The following NCAN variants were observed in gnomAD, a reference collection of about 807,000 sequenced individuals.
NCAN encodes neurocan core protein.
A neutral mutation model predicts 121.8 loss-of-function variants in NCAN; 47 were observed. The ratio of observed to expected loss-of-function variants is 0.39; its 90% CI spans 0.31 to 0.49. The LOEUF is 0.49. NCAN is among the 20% of genes least tolerant of loss of function. The pLI, the probability that NCAN is intolerant of heterozygous loss-of-function variation, is 0.92. For missense variants in NCAN, 1,517 were observed against 1,773.4 expected (o/e 0.86, Z 2.60); for synonymous variants, 633 against 702.0 (o/e 0.90, Z 1.55).
In NCAN at chr19:19,227,303, C is replaced by A. The variant is rs2060841071; in HGVS notation, c.1683C>A (p.Ser561=). ...PGAGSAGGKS[S]PEPWLWPPTM... is the part of the protein sequence containing the mutation. Reference sequence around the variant, plus strand: ...CAGGTTCTGCTGGTGGCAAGAGCTCCCCAGAGCCCTGGCTGTGGCCCCCTA... The same window carrying A: ...CAGGTTCTGCTGGTGGCAAGAGCTCACCAGAGCCCTGGCTGTGGCCCCCTA... The change falls in exon 8 of 15, where the codon TCC becomes TCA. Residue 561 remains serine (S), a synonymous_variant. Transcript: ENST00000252575. This position sits in a 1 kb window ranked among gnomAD's most constrained non-coding sequence, Gnocchi z 4.2. 6.3e-7 allele frequency: 1 copy of A among 1,581,942 alleles called. No individual in the cohort carries two copies. The highest frequency in any genetic ancestry group is 8.6e-7 in the Non-Finnish European group (1 of 1,163,488).
intron 11 of NCAN, among the ~76,000 whole-genome samples, chr19:19,239,593 C>T (rs2060895018): frequency 9.3e-6 from 1 of 106,994 alleles, no homozygotes; most frequent in Non-Finnish European, 2.0e-5. Context: ...CCCTCTCCTC[C>T]TCCCATTCCT....
chr19:19,249,706 C>T, intron 14 of NCAN, 60 bp from the exon 15 acceptor site: 6 of 1,540,270 alleles, frequency 3.9e-6, no homozygotes, highest in Non-Finnish European at 5.2e-6. Flanking sequence ...CCCGCTGCAT[C>T]AGGCCACCTG....
intron 12 of NCAN, among the ~76,000 whole-genome samples, chr19:19,241,592 A>G (rs892157222): frequency 3.3e-5 from 5 of 151,830 alleles, no homozygotes; most frequent in African/African-American, 1.2e-4. Flanking sequence ...AGTCTCAGCT[A>G]TCGGGAAGCT....
chr19:19,239,800 T>C, intron 11 of NCAN, among the ~76,000 whole-genome samples: 1 of 111,650 alleles, frequency 9.0e-6, no homozygotes, highest in African/African-American at 3.6e-5. Context: ...TCCCTTCCAC[T>C]CCTCCTCTTT....
chr19:19,237,005 C>T (rs2060883302), intron 10 of NCAN, among the ~76,000 whole-genome samples: 1 of 152,064 alleles, frequency 6.6e-6, no homozygotes, highest in Non-Finnish European at 1.5e-5. Context: ...ACCTCCACCT[C>T]CCGGTTCAAG....
At chr19:19,216,104 C>T (rs1038244145) in intron 1 of NCAN, among the ~76,000 whole-genome samples, 9 of 152,142 alleles carry the variant, frequency 5.9e-5, no homozygotes, top group Non-Finnish European at 1.3e-4. Flanking sequence ...TACCAGCACC[C>T]AGGCTTCTGA....
At chr19:19,233,491 C>T (rs571465670) in intron 8 of NCAN, among the ~76,000 whole-genome samples, 4 of 152,288 alleles carry the variant, frequency 2.6e-5, no homozygotes, top group Admixed American at 2.0e-4. Flanking sequence ...AGAAGACATT[C>T]TACGAGGTCC....
chr19:19,213,191 G>T (rs1308033869), intron 1 of NCAN, among the ~76,000 whole-genome samples: 2 of 152,156 alleles, frequency 1.3e-5, no homozygotes, highest in Non-Finnish European at 2.9e-5. Flanking sequence ...CCCAGCCGTC[G>T]CAATAGCTGA....
rs1025591719 is a variant in NCAN at position 19,250,079 on chromosome 19, T to C, written c.*168T>C. On this transcript the variant is annotated 3_prime_UTR_variant, in exon 15 of 15. Transcript: ENST00000252575. ...ACAAAGCTCCTCTTTTCCCTTTTTT[T>C]ACATACACAAGATCCTCTTGGCAGG... The C allele has an allele frequency of 3.7e-6, 3 of 802,740 alleles. No homozygotes were observed. The highest frequency in any genetic ancestry group is 2.7e-5 in the East Asian group (1 of 37,456). 49.7% of individuals were successfully genotyped at this position (802,740 alleles called of 1,614,324 possible).
intron 11 of NCAN, among the ~76,000 whole-genome samples, chr19:19,240,061 TC>T (rs1216230676): frequency 4.2e-5 from 2 of 47,950 alleles, no homozygotes; most frequent in African/African-American, 8.9e-5. Flanking sequence ...CTCCTCCCAT[TC>T]CCCCCTCCTC....
At chr19:19,249,045 T>G (rs1279287969) in intron 14 of NCAN, 163 bp downstream of exon 14, 1 of 548,218 alleles carries the variant, frequency 1.8e-6, no homozygotes, top group Non-Finnish European at 3.2e-6. Context: ...TTTCCTTCAT[T>G]TGTGTGTGTG....
chr19:19,216,589 C>T (rs1186729173), intron 1 of NCAN, among the ~76,000 whole-genome samples: 2 of 152,036 alleles, frequency 1.3e-5, no homozygotes, highest in Admixed American at 6.6e-5. Context: ...GGATTACAGG[C>T]GTGAGCCACC....
At chr19:19,218,298 G>T (rs2060803272) in intron 2 of NCAN, among the ~76,000 whole-genome samples, 1 of 151,010 alleles carries the variant, frequency 6.6e-6, no homozygotes, top group Non-Finnish European at 1.5e-5. Context: ...ATAAATAAAA[G>T]AATAATAATA....
At chr19:19,234,295 A>G (rs1206448078) in intron 9 of NCAN, among the ~76,000 whole-genome samples, 1 of 152,220 alleles carries the variant, frequency 6.6e-6, no homozygotes, top group Non-Finnish European at 1.5e-5. Context: ...AATACTACCA[A>G]TTATGAAATT....
chr19:19,240,737 A>G, intron 12 of NCAN, 52 bp downstream of exon 12: 4 of 1,567,512 alleles, frequency 2.6e-6, no homozygotes, highest in Admixed American at 1.7e-5. Flanking sequence ...CAGCCCTGCC[A>G]TCTGGCCTCA....
chr19:19,235,269 T>G (rs764825872), intron 10 of NCAN, among the ~76,000 whole-genome samples, 173 bp downstream of exon 10: 3 of 152,164 alleles, frequency 2.0e-5, no homozygotes, highest in Non-Finnish European at 4.4e-5. Context: ...ACCATTTTAC[T>G]TTATTTTATT....
At chr19:19,213,302 G>C (rs930712142) in intron 1 of NCAN, among the ~76,000 whole-genome samples, 7 of 152,086 alleles carry the variant, frequency 4.6e-5, no homozygotes, top group Non-Finnish European at 7.4e-5. Flanking sequence ...GGGGTTCTAG[G>C]GTCCCCTGTG....
intron 13 of NCAN, 50 bp from the exon 14 acceptor site, chr19:19,248,650 T>G (rs780114136): frequency 6.4e-7 from 1 of 1,558,902 alleles, no homozygotes; most frequent in Non-Finnish European, 8.8e-7. Context: ...CAACAACTAG[T>G]TTAGCCCCAG....
intron 14 of NCAN, among the ~76,000 whole-genome samples, chr19:19,249,558 G>A (rs2060938914): frequency 6.6e-6 from 1 of 151,956 alleles, no homozygotes; most frequent in Admixed American, 6.6e-5. Context: ...GTAGAGATAG[G>A]TTCTCGCTAT....
Sources: gnomAD v4.1 joint callset for allele counts (sites outside exome capture counted in the v4.1 genomes callset) on GRCh38, gnomAD v4.1.1 for gene constraint, Gnocchi (gnomAD v3.1) non-coding constraint, MANE v1.5 for transcripts, NCBI Gene and HGNC (gene_info 2026-07-23, HGNC 2026-07-21) for gene names.